The following IGF1R variants were observed in gnomAD, a reference collection of about 807,000 sequenced individuals.
IGF1R encodes the protein insulin-like growth factor 1 receptor.
Under a neutral mutation model 144.6 loss-of-function variants are expected in IGF1R, and 44 were observed. That is an observed-to-expected ratio of 0.30 (90% CI 0.24 to 0.39). The LOEUF is 0.39. Ranked by LOEUF, IGF1R falls within the 10% of genes least tolerant of loss-of-function variation. The probability of loss-of-function intolerance (pLI) is 1.00; values close to 1 mark genes in which losing one functional copy is unlikely to be tolerated. For missense variants in IGF1R, 1,355 were observed against 1,833.7 expected (o/e 0.74, Z 4.77); for synonymous variants, 795 against 722.8 (o/e 1.10, Z -1.60).
At chr15:98,870,474 G>A (rs147979585) in intron 2 of IGF1R, among the ~76,000 whole-genome samples, 17 of 152,322 alleles carry the variant, frequency 1.1e-4, no homozygotes, top group Non-Finnish European at 2.1e-4. Context: ...GGTCCAGAGT[G>A]CAAGGAGGCA....
intron 2 of IGF1R, among the ~76,000 whole-genome samples, chr15:98,780,721 G>A (rs1468063838): frequency 2.6e-5 from 4 of 152,020 alleles, no homozygotes; most frequent in Non-Finnish European, 4.4e-5. Flanking sequence ...TTCACTTTAG[G>A]CAGTCTATCT....
intron 2 of IGF1R, among the ~76,000 whole-genome samples, chr15:98,793,893 C>G (rs2056181698): frequency 6.6e-6 from 1 of 152,180 alleles, no homozygotes; most frequent in Non-Finnish European, 1.5e-5. Context: ...GTGTTCGTTC[C>G]TTTGCTAGAA....
chr15:98,925,230 G>T (rs1002103856), intron 13 of IGF1R, among the ~76,000 whole-genome samples: 1 of 152,112 alleles, frequency 6.6e-6, no homozygotes, highest in African/African-American at 2.4e-5. Flanking sequence ...AATGTACGGT[G>T]CTCACCCTTT....
intron 2 of IGF1R, among the ~76,000 whole-genome samples, chr15:98,745,078 G>C (rs986835884): frequency 6.6e-6 from 1 of 152,136 alleles, no homozygotes; most frequent in Non-Finnish European, 1.5e-5. Context: ...CATGTTTTAA[G>C]GGATGGTTGC....
At chr15:98,822,992 T>C (rs1442535368) in intron 2 of IGF1R, among the ~76,000 whole-genome samples, 2 of 152,208 alleles carry the variant, frequency 1.3e-5, no homozygotes, top group Non-Finnish European at 2.9e-5. Flanking sequence ...ACTTTGAGGA[T>C]TTTTATTGAA....
At chr15:98,786,592 C>G (rs536984649) in intron 2 of IGF1R, among the ~76,000 whole-genome samples, 1 of 152,158 alleles carries the variant, frequency 6.6e-6, no homozygotes, top group Admixed American at 6.5e-5. Context: ...TCTAAGGAAC[C>G]TGGAAACACA....
intron 17 of IGF1R, 27 bp from the exon 18 acceptor site, chr15:98,939,174 A>T: frequency 6.2e-7 from 1 of 1,605,810 alleles, no homozygotes; most frequent in Middle Eastern, 1.7e-4. Flanking sequence ...CAAAATTCTC[A>T]TGTGAATTTT....
chr15:98,924,894 T>C (rs1181817538), intron 13 of IGF1R, among the ~76,000 whole-genome samples: 1 of 151,810 alleles, frequency 6.6e-6, no homozygotes, highest in Non-Finnish European at 1.5e-5. Flanking sequence ...TCCTACCTCA[T>C]GTGGCAGGAA....
rs886051616 is a variant in IGF1R, at chr15:98,963,538, G to A, written c.*6096G>A. On this transcript the variant is annotated 3_prime_UTR_variant, in exon 21 of 21. Coordinates refer to ENST00000650285, the MANE Select transcript of IGF1R (RefSeq NM_000875.5). ...AGCCCAGCAGTGCATGGCACCGTTC[G>A]GCATCTGGCTTGATTGGTCTGGCTG... The A allele has an allele frequency of 5.1e-5, 12 of 233,116 alleles. No homozygotes were observed. Among genetic ancestry groups the A allele is most frequent in the South Asian group, 1.8e-4 (1 of 5,528 alleles). 14.4% of individuals were successfully genotyped at this position (233,116 alleles called of 1,614,324 possible). A position where few individuals can be genotyped will look rare whatever the true frequency, so the allele number is the denominator to read the frequency against.
intron 2 of IGF1R, among the ~76,000 whole-genome samples, chr15:98,761,274 C>G (rs992136174): frequency 1.3e-5 from 2 of 152,220 alleles, no homozygotes; most frequent in Non-Finnish European, 2.9e-5. Flanking sequence ...CATGACAGTA[C>G]TGTCACTGCA....
intron 2 of IGF1R, among the ~76,000 whole-genome samples, chr15:98,780,090 A>AT (rs575981766): frequency 0.063 from 9,270 of 146,228 alleles, 843 homozygotes; most frequent in African/African-American, 0.2. Context: ...CCAGGTGGCT[A>AT]TTTTTTTTTT....
intron 3 of IGF1R, among the ~76,000 whole-genome samples, chr15:98,892,986 C>T (rs1199938907): frequency 1.3e-5 from 2 of 152,176 alleles, no homozygotes; most frequent in East Asian, 1.9e-4. Flanking sequence ...CACTGCACTC[C>T]AGCACAGGCA....
chr15:98,666,308 GA>G (rs1375621546), intron 1 of IGF1R, among the ~76,000 whole-genome samples: 1 of 151,778 alleles, frequency 6.6e-6, no homozygotes, highest in Non-Finnish European at 1.5e-5. Flanking sequence ...TTTTTAACAG[GA>G]AGATGATATG....
intron 2 of IGF1R, among the ~76,000 whole-genome samples, chr15:98,756,645 G>T (rs2055163683): frequency 6.6e-6 from 1 of 151,804 alleles, no homozygotes; most frequent in African/African-American, 2.4e-5. Context: ...TTTCATCTCA[G>T]TATTTAATTT....
rs373939950 is a variant in IGF1R, at chr15:98,907,700, C to G, written c.1248-985C>G. 8.9e-4 allele frequency among the ~76,000 whole-genome samples: 136 copies of G among 152,350 alleles called. 2 individuals are homozygous for G. In the South Asian group the frequency reaches 0.027, roughly 30 times the overall value. ...GACCTAAGCCGTAGCTGTCTGCTTT[C>G]TTGCCTCTCCAGGGATGGACTTGTC... On this transcript the variant is annotated intron_variant, in intron 5 of 20. Transcript: ENST00000650285.
chr15:98,752,401 T>C (rs1338629000), intron 2 of IGF1R, among the ~76,000 whole-genome samples: 1 of 152,146 alleles, frequency 6.6e-6, no homozygotes, highest in Non-Finnish European at 1.5e-5. Context: ...ATGTGAGCCT[T>C]GGCTGGGCAC....
intron 2 of IGF1R, among the ~76,000 whole-genome samples, chr15:98,716,204 C>T (rs28404655): frequency 0.044 from 6,726 of 152,176 alleles, 518 homozygotes; most frequent in African/African-American, 0.15. Flanking sequence ...ACTACCTGTG[C>T]CGTTTCCTCA....
At chr15:98,698,046 T>C (rs886859043) in intron 1 of IGF1R, among the ~76,000 whole-genome samples, 5 of 148,642 alleles carry the variant, frequency 3.4e-5, no homozygotes, top group Non-Finnish European at 7.4e-5. Flanking sequence ...TCCTTTTTTT[T>C]TTTTTTTTAA....
intron 17 of IGF1R, among the ~76,000 whole-genome samples, chr15:98,937,314 C>T (rs962537871): frequency 1.3e-5 from 2 of 152,166 alleles, no homozygotes; most frequent in South Asian, 4.1e-4. Context: ...AAACTCACTC[C>T]CTTCCTCCCC....
Sources: gnomAD v4.1 joint callset for allele counts (sites outside exome capture counted in the v4.1 genomes callset) on GRCh38, gnomAD v4.1.1 for gene constraint, MANE v1.5 for transcripts, NCBI Gene and HGNC (gene_info 2026-07-23, HGNC 2026-07-21) for gene names.